The following LPAR6 variants were observed in gnomAD, a reference collection of about 807,000 sequenced individuals.
The protein encoded by LPAR6 is lysophosphatidic acid receptor 6.
In LPAR6, 17 loss-of-function variants were observed where a neutral mutation model predicts 22.0. That is an observed-to-expected ratio of 0.77 (90% CI 0.53 to 1.16). LPAR6 has a LOEUF of 1.16. LPAR6 is among the 50% of genes most tolerant of loss of function. The pLI is 0.00. For synonymous variants in LPAR6, 136 were observed against 139.8 expected (o/e 0.97, Z 0.19); for missense variants, 384 against 406.9 (o/e 0.94, Z 0.48).
At position 48,394,011 on chromosome 13, in the gene LPAR6, C is replaced by T. The variant is rs118137116; in HGVS notation, n.115-4199G>A. Among the ~76,000 whole-genome samples the T allele has an allele frequency of 0.012, 1,758 of 152,272 alleles. 65 individuals are homozygous for T. The East Asian group carries it at 0.12, about 10-fold the overall frequency. ...GGTCTGCAGCTGCCAGCGAGATCAA[C>T]CCAGAAGGCAGGTGATTTCTCCATT... is the stretch of plus-strand genomic sequence containing the variant. On this transcript the variant is annotated intron_variant and non_coding_transcript_variant, in intron 1 of 1. Transcript: ENST00000462781.
chr13:48,432,619 C>T (rs1344582011), intron 1 of LPAR6, among the ~76,000 whole-genome samples: 4 of 152,032 alleles, frequency 2.6e-5, no homozygotes, highest in Middle Eastern at 3.2e-3. Flanking sequence ...TCCTGTTTAC[C>T]TCAAGAGACT....
upstream of LPAR6, among the ~76,000 whole-genome samples, chr13:48,415,016 A>G (rs558499410): frequency 6.6e-6 from 1 of 152,062 alleles, no homozygotes; most frequent in South Asian, 2.1e-4. Context: ...TTGGTTCAGT[A>G]TGTTTTAAAA....
intron 2 of LPAR6, among the ~76,000 whole-genome samples, chr13:48,418,710 A>C (rs1158425277): frequency 8.3e-6 from 1 of 120,064 alleles, no homozygotes; most frequent in East Asian, 2.3e-4. Context: ...AATGGAAAGC[A>C]AAAAAAAAAA....
chr13:48,428,758 G>A (rs1410108963), upstream of LPAR6, among the ~76,000 whole-genome samples: 1 of 152,138 alleles, frequency 6.6e-6, no homozygotes, highest in African/African-American at 2.4e-5. Context: ...TTTGTACATA[G>A]TAATGTGCCA....
At chr13:48,390,552 A>G (rs143034247) in intron 1 of LPAR6, among the ~76,000 whole-genome samples, 4 of 152,300 alleles carry the variant, frequency 2.6e-5, no homozygotes, top group African/African-American at 9.6e-5. Flanking sequence ...GCAGAGGGCT[A>G]GAGAGGTCCT....
At chr13:48,403,067 T>C (rs953114550) in intron 1 of LPAR6, among the ~76,000 whole-genome samples, 2 of 152,132 alleles carry the variant, frequency 1.3e-5, no homozygotes, top group Admixed American at 1.3e-4. Context: ...GTAAAATTAG[T>C]TGGAAAATTA....
upstream of LPAR6, chr13:48,415,557 G>A (rs1368869790): frequency 2.0e-5 from 3 of 152,362 alleles, no homozygotes; most frequent in East Asian, 5.8e-4. Flanking sequence ...GGGATTCCAT[G>A]TGTGAGCCAC....
At chr13:48,392,978 T>C (rs946746189) in intron 1 of LPAR6, among the ~76,000 whole-genome samples, 1 of 152,216 alleles carries the variant, frequency 6.6e-6, no homozygotes, top group African/African-American at 2.4e-5. Context: ...TTTTTGTTTT[T>C]GGACACAGAG....
chr13:48,428,785 A>G (rs1422391677), upstream of LPAR6, among the ~76,000 whole-genome samples: 2 of 152,248 alleles, frequency 1.3e-5, no homozygotes, highest in African/African-American at 2.4e-5. Context: ...ATACAAAAGC[A>G]GGAAATATCT....
At position 48,412,014 on chromosome 13, in the gene LPAR6, C is replaced by G. The variant is rs1235130795; in HGVS notation, c.410G>C (p.Cys137Ser). ...LRTKRNAKIV[C>S]TGVWLTVIGG... The stretch of plus-strand genomic sequence containing the variant: ...GATCACAGTTAACCACACGCCAGTG[C>G]AAACAATCTTTGCATTTCTTTTGGT... The change falls in exon 1 of 1, where the codon TGC becomes TCC. Residue 137 changes from cysteine (C) to serine (S), a missense_variant. Cys to Ser is a moderately radical substitution (Grantham distance 112). Coordinates refer to ENST00000620633, the MANE Select transcript of LPAR6 (RefSeq NM_001162498.3). 6.2e-7 allele frequency: 1 copy of G among 1,612,186 alleles called. No individual in the cohort carries two copies. The highest frequency in any genetic ancestry group is 1.1e-5 in the South Asian group (1 of 90,878).
upstream of LPAR6, among the ~76,000 whole-genome samples, chr13:48,414,438 T>A (rs1160017852): frequency 6.6e-6 from 1 of 152,102 alleles, no homozygotes; most frequent in Non-Finnish European, 1.5e-5. Context: ...GTAGGTGTTA[T>A]TTCCTCAAAG....
chr13:48,433,527 A>G (rs1949151486), intron 1 of LPAR6, among the ~76,000 whole-genome samples: 1 of 152,184 alleles, frequency 6.6e-6, no homozygotes, highest in Admixed American at 6.5e-5. Context: ...AATTTCTGCC[A>G]CTAAATAAGT....
At chr13:48,434,597 A>G (rs1949163648) in intron 1 of LPAR6, among the ~76,000 whole-genome samples, 1 of 152,126 alleles carries the variant, frequency 6.6e-6, no homozygotes, top group Non-Finnish European at 1.5e-5. Flanking sequence ...TCAGCCCAGG[A>G]ACACCAGGCC....
At chr13:48,442,510 G>C (rs1949248164) in intron 1 of LPAR6, among the ~76,000 whole-genome samples, 1 of 152,178 alleles carries the variant, frequency 6.6e-6, no homozygotes, top group South Asian at 2.1e-4. Context: ...TTTGGATTCA[G>C]AAGGTAACTT....
At position 48,411,611 on chromosome 13, in the gene LPAR6, T is replaced by C; in HGVS notation, c.813A>G (p.Thr271=). Residue 271 remains threonine (T), a synonymous_variant, in exon 1 of 1, where the codon ACA becomes ACG. Transcript: ENST00000620633. ...CAATACAGAGAGTGATTGGGTACAT[T>C]GTCCTTACTGCTGCCACTACTGAGC... ...VNCSVVAAVR[T]MYPITLCIAV... 6.2e-7 allele frequency: 1 copy of C among 1,612,348 alleles called. No homozygotes were observed. The highest frequency in any genetic ancestry group is 8.5e-7 in the Non-Finnish European group (1 of 1,178,542).
chr13:48,422,042 A>C (rs1257370455), intron 2 of LPAR6, among the ~76,000 whole-genome samples: 3 of 152,218 alleles, frequency 2.0e-5, no homozygotes, highest in Non-Finnish European at 2.9e-5. Flanking sequence ...ATTATAAATA[A>C]TTCTAATATA....
At chr13:48,422,124 G>C (rs916504443) in intron 2 of LPAR6, among the ~76,000 whole-genome samples, 1 of 152,078 alleles carries the variant, frequency 6.6e-6, no homozygotes. Context: ...ACCCAAATGC[G>C]CATCAATGAT....
intron 1 of LPAR6, among the ~76,000 whole-genome samples, chr13:48,437,519 A>G (rs1277449977): frequency 6.6e-6 from 1 of 152,202 alleles, no homozygotes; most frequent in Non-Finnish European, 1.5e-5. Flanking sequence ...AGATTCTTAA[A>G]TTGTCAACCA....
At chr13:48,406,113 T>TGC (rs397752056), downstream of LPAR6, among the ~76,000 whole-genome samples, 1 of 98,996 alleles carries the variant, frequency 1.0e-5, no homozygotes, top group African/African-American at 3.0e-5. Flanking sequence ...TGTGTGTGTG[T>TGC]ATGTATGTAT....
Sources: gnomAD v4.1 joint callset for allele counts (sites outside exome capture counted in the v4.1 genomes callset) on GRCh38, gnomAD v4.1.1 for gene constraint, MANE v1.5 for transcripts, NCBI Gene and HGNC (gene_info 2026-07-23, HGNC 2026-07-21) for gene names.